Variants in PTPRN2 observed in about 807,000 individuals in gnomAD.
The protein encoded by PTPRN2 is receptor-type tyrosine-protein phosphatase N2.
In PTPRN2, 74 loss-of-function variants were observed where a neutral mutation model predicts 118.8. The observed-to-expected ratio is 0.62, with a 90% CI of 0.52 to 0.76. PTPRN2 has a LOEUF of 0.76. PTPRN2 is among the 30% of genes least tolerant of loss of function. The probability of loss-of-function intolerance (pLI) is 0.00; values close to 1 mark genes in which losing one functional copy is unlikely to be tolerated. For missense variants in PTPRN2, 1,481 were observed against 1,394.4 expected, an observed-to-expected ratio of 1.06 and a Z score of -0.99; for synonymous variants, 641 against 608.0, an observed-to-expected ratio of 1.05 and a Z score of -0.80.
At chr7:157,744,168 T>C (rs1335027733) in intron 12 of PTPRN2, among the ~76,000 whole-genome samples, 1 of 152,148 alleles carries the variant, frequency 6.6e-6, no homozygotes, top group Admixed American at 6.5e-5. Context: ...AGCAAGACCA[T>C]GGAGGAATCA....
At chr7:158,486,357 T>C (rs1201570384) in intron 2 of PTPRN2, among the ~76,000 whole-genome samples, 2 of 152,258 alleles carry the variant, frequency 1.3e-5, no homozygotes, top group African/African-American at 2.4e-5. Context: ...TAGTTGATTA[T>C]TATGCCTTTA....
chr7:158,171,348 T>TATATATATATATATATACAC (rs1554571717), intron 5 of PTPRN2, among the ~76,000 whole-genome samples: 1 of 90,004 alleles, frequency 1.1e-5, no homozygotes, highest in African/African-American at 5.1e-5. Flanking sequence ...TATATATATA[T>TATATATATATATATATACAC]ACACACACAC....
At chr7:157,776,863 T>C (rs1428022519) in intron 12 of PTPRN2, among the ~76,000 whole-genome samples, 35 of 43,716 alleles carry the variant, frequency 8.0e-4, no homozygotes, top group South Asian at 2.0e-3. Flanking sequence ...TCCTCCTCCC[T>C]CTCCTCCTCC....
At chr7:158,333,897 CACCCGCAG>C (rs1805031353) in intron 2 of PTPRN2, among the ~76,000 whole-genome samples, 1 of 143,846 alleles carries the variant, frequency 7.0e-6, no homozygotes, top group African/African-American at 2.6e-5. Context: ...TAAGAGCTGA[CACCCGCAG>C]ACGTCACTCA....
chr7:158,259,045 C>A (rs150516267), intron 3 of PTPRN2, among the ~76,000 whole-genome samples: 4 of 152,136 alleles, frequency 2.6e-5, no homozygotes, highest in Non-Finnish European at 5.9e-5. Context: ...GCACCAGCAA[C>A]GCCTGTGAAA....
At chr7:157,842,337 G>A (rs1452472909) in intron 12 of PTPRN2, among the ~76,000 whole-genome samples, 2 of 151,882 alleles carry the variant, frequency 1.3e-5, no homozygotes, top group East Asian at 3.9e-4. Context: ...TTTCCCTGGG[G>A]GAAGGGAGGA....
intron 2 of PTPRN2, among the ~76,000 whole-genome samples, chr7:158,429,159 AC>A (rs1271796454): frequency 1.3e-5 from 2 of 152,134 alleles, no homozygotes; most frequent in African/African-American, 4.8e-5. Flanking sequence ...GAGGTGCCCT[AC>A]CCATTCAGGG....
chr7:158,462,058 C>A (rs145248088), intron 2 of PTPRN2, among the ~76,000 whole-genome samples: 1 of 152,276 alleles, frequency 6.6e-6, no homozygotes, highest in Non-Finnish European at 1.5e-5. Flanking sequence ...TGCTTTCAGA[C>A]CCCCTGTGCT....
intron 2 of PTPRN2, among the ~76,000 whole-genome samples, chr7:158,416,109 C>T (rs1814637192): frequency 6.6e-6 from 1 of 152,246 alleles, no homozygotes; most frequent in African/African-American, 2.4e-5. Flanking sequence ...AGCCTGACTG[C>T]ACACCTGAAC....
At chr7:157,574,605 C>T (rs1376401725) in intron 19 of PTPRN2, among the ~76,000 whole-genome samples, 2 of 152,162 alleles carry the variant, frequency 1.3e-5, no homozygotes, top group African/African-American at 2.4e-5. Flanking sequence ...AGTGTAAATG[C>T]GCTCCCTCTG....
chr7:158,112,902 G>A (rs879674542), intron 9 of PTPRN2, among the ~76,000 whole-genome samples: 6 of 152,238 alleles, frequency 3.9e-5, no homozygotes, highest in Middle Eastern at 3.4e-3. Context: ...CATGAATGCC[G>A]AGACCGGGGA....
chr7:157,590,565 A>G lies in PTPRN2; in HGVS notation c.2496+4673T>C, dbSNP rs1800923809. Among the ~76,000 whole-genome samples, 1 of 152,246 alleles carries G rather than the reference A, an allele frequency of 6.6e-6. No homozygotes were observed. Among genetic ancestry groups the G allele is most frequent in the Non-Finnish European group, 1.5e-5 (1 of 68,044 alleles). On this transcript the variant is annotated intron_variant, in intron 17 of 22. Transcript: ENST00000389418. The surrounding 1 kb of genome is among the most constrained non-coding windows in gnomAD (Gnocchi z 4.0). Reference sequence around the variant, plus strand: ...GCAGGAAAGCACCATGTGTGCAGTGAGTGGTGACCCTCCGTGGATTTTCGT... The same window carrying G: ...GCAGGAAAGCACCATGTGTGCAGTGGGTGGTGACCCTCCGTGGATTTTCGT...
intron 10 of PTPRN2, among the ~76,000 whole-genome samples, chr7:158,094,056 C>T (rs1196587477): frequency 6.6e-6 from 1 of 152,210 alleles, no homozygotes; most frequent in Non-Finnish European, 1.5e-5. Context: ...TTGCCGCTTA[C>T]TTTTCTCATG....
intron 2 of PTPRN2, among the ~76,000 whole-genome samples, chr7:158,378,313 C>G (rs546216152): frequency 1.8e-4 from 27 of 152,336 alleles, no homozygotes; most frequent in African/African-American, 5.8e-4. Context: ...AAGGGGCCTG[C>G]AAGCCCCGCC....
intron 11 of PTPRN2, among the ~76,000 whole-genome samples, chr7:157,981,639 A>G (rs938446271): frequency 6.6e-6 from 1 of 152,256 alleles, no homozygotes; most frequent in Admixed American, 6.5e-5. Flanking sequence ...AGTGTACCAA[A>G]TGATTTAATG....
intron 14 of PTPRN2, among the ~76,000 whole-genome samples, chr7:157,623,259 T>C (rs541569640): frequency 9.8e-5 from 15 of 152,312 alleles, no homozygotes; most frequent in Admixed American, 7.8e-4. Context: ...ATCTGGTGTG[T>C]GAGGGAAGCT....
chr7:158,300,839 G>A (rs182754428), intron 3 of PTPRN2, among the ~76,000 whole-genome samples: 4 of 152,274 alleles, frequency 2.6e-5, no homozygotes, highest in African/African-American at 7.2e-5. Context: ...GGAGAATCTC[G>A]GTGGACAGGG....
intron 3 of PTPRN2, among the ~76,000 whole-genome samples, chr7:158,297,388 G>A (rs1358922562): frequency 6.6e-6 from 1 of 152,192 alleles, no homozygotes; most frequent in Non-Finnish European, 1.5e-5. Flanking sequence ...GACGCCCCTG[G>A]AGCCACAGTG....
chr7:158,137,198 C>T (rs935906904), intron 7 of PTPRN2, among the ~76,000 whole-genome samples: 1 of 152,222 alleles, frequency 6.6e-6, no homozygotes, highest in East Asian at 1.9e-4. Context: ...GTGGGCGGAT[C>T]ATGAGGTCAG....
Sources: allele counts gnomAD v4.1 joint callset (sites outside exome capture counted in the v4.1 genomes callset), GRCh38; gene constraint gnomAD v4.1.1; non-coding constraint Gnocchi (gnomAD v3.1); transcripts MANE v1.5; gene names NCBI Gene and HGNC (gene_info 2026-07-23, HGNC 2026-07-21).